VPS35L: variants seen among roughly 807,000 people sequenced by gnomAD.
VPS35L encodes VPS35 endosomal protein-sorting factor-like.
Under a neutral mutation model 133.0 loss-of-function variants are expected in VPS35L, and 83 were observed. The observed-to-expected ratio is 0.62, with a 90% CI of 0.52 to 0.75. VPS35L has a LOEUF of 0.75. Ranked by LOEUF, VPS35L falls within the 30% of genes least tolerant of loss-of-function variation. The probability of loss-of-function intolerance (pLI) is 0.00; values close to 1 mark genes in which losing one functional copy is unlikely to be tolerated. For missense variants in VPS35L, 1,083 were observed against 1,206.8 expected (o/e 0.90, Z 1.52); for synonymous variants, 423 against 449.9 (o/e 0.94, Z 0.76).
At chr16:19,572,234 G>A (rs557032560) in intron 3 of VPS35L, among the ~76,000 whole-genome samples, 33 of 152,252 alleles carry the variant, frequency 2.2e-4, no homozygotes, top group Non-Finnish European at 4.0e-4. Context: ...CCGGACCAAC[G>A]TGGTGAAACA....
intron 7 of VPS35L, among the ~76,000 whole-genome samples, chr16:19,588,378 G>A (rs1296931208): frequency 1.3e-5 from 2 of 151,450 alleles, no homozygotes; most frequent in East Asian, 3.9e-4. Flanking sequence ...GTAGAGATGG[G>A]GTTTCACCGT....
At chr16:19,578,266 T>A (rs1971595610) in intron 5 of VPS35L, 1 of 446,668 alleles carries the variant, frequency 2.2e-6, no homozygotes, top group African/African-American at 2.0e-5. Context: ...CGACCCTAAG[T>A]CCACATTTCT....
At chr16:19,568,411 T>A (rs1971256353) in intron 2 of VPS35L, among the ~76,000 whole-genome samples, 1 of 101,312 alleles carries the variant, frequency 9.9e-6, no homozygotes, top group Admixed American at 9.5e-5. Flanking sequence ...ATTTTTCATG[T>A]TTTTTTTTTT....
At chr16:19,565,518 A>G (rs917906874) in intron 2 of VPS35L, among the ~76,000 whole-genome samples, 1 of 149,814 alleles carries the variant, frequency 6.7e-6, no homozygotes, top group African/African-American at 2.5e-5. Context: ...AATTTTTGCT[A>G]TTTTTTTTAT....
At chr16:19,604,390 A>G (rs1346860729) in intron 9 of VPS35L, among the ~76,000 whole-genome samples, 1 of 152,242 alleles carries the variant, frequency 6.6e-6, no homozygotes, top group Non-Finnish European at 1.5e-5. Flanking sequence ...TCAAAACAAC[A>G]GATCAGTCCT....
intron 28 of VPS35L, among the ~76,000 whole-genome samples, chr16:19,689,339 C>T (rs1975585084): frequency 6.6e-6 from 1 of 151,452 alleles, no homozygotes; most frequent in Non-Finnish European, 1.5e-5. Context: ...GGCTCCATCT[C>T]GGCTCACTGC....
At chr16:19,615,604 C>T (rs761333554) in intron 12 of VPS35L, among the ~76,000 whole-genome samples, 6 of 151,186 alleles carry the variant, frequency 4.0e-5, no homozygotes, top group South Asian at 2.1e-4. Context: ...GAGCCAAGAT[C>T]GTGCCACTGC....
At position 19,633,720 on chromosome 16, in the gene VPS35L, A is replaced by C. The variant is rs746151333; in HGVS notation, c.1635+548A>C. ...TTAACCAGATTTACTAGCTGTTAAC[A>C]TTTGTTTTTTTTTGTTTTTGTTTTT... On this transcript the variant is annotated intron_variant, in intron 19 of 30. Coordinates refer to ENST00000417362, the MANE Select transcript of VPS35L (RefSeq NM_020314.7). This position sits in a 1 kb window ranked among gnomAD's most constrained non-coding sequence, Gnocchi z 4.1. 6.6e-6 allele frequency among the ~76,000 whole-genome samples: 1 copy of C among 150,794 alleles called. No homozygotes were observed. The highest frequency in any genetic ancestry group is 1.5e-5 in the Non-Finnish European group (1 of 67,754).
At chr16:19,651,528 A>G (rs1160113334) in intron 25 of VPS35L, among the ~76,000 whole-genome samples, 1 of 152,158 alleles carries the variant, frequency 6.6e-6, no homozygotes, top group African/African-American at 2.4e-5. Flanking sequence ...TAAGAAAGAA[A>G]TATGTGTCTG....
intron 9 of VPS35L, among the ~76,000 whole-genome samples, chr16:19,603,690 C>T (rs889684815): frequency 2.6e-5 from 4 of 152,144 alleles, no homozygotes; most frequent in African/African-American, 9.7e-5. Context: ...AAGGAAAGGC[C>T]TTCTCCGCTG....
intron 23 of VPS35L, among the ~76,000 whole-genome samples, chr16:19,645,290 CT>C (rs11337040): frequency 0.35 from 45,413 of 128,134 alleles, 7,428 homozygotes; most frequent in African/African-American, 0.44. Context: ...TGTCTTTTTT[CT>C]TTTTTTTTTT....
At position 19,641,947 on chromosome 16, in the gene VPS35L, C is replaced by T. The variant is rs189835373; in HGVS notation, c.1785-449C>T. Among the ~76,000 whole-genome samples the T allele has an allele frequency of 5.9e-5, 9 of 152,304 alleles. No individual in the cohort carries two copies. The East Asian group carries it at 1.4e-3, about 23-fold the overall frequency. On this transcript the variant is annotated intron_variant, in intron 21 of 30. Coordinates refer to ENST00000417362, the MANE Select transcript of VPS35L (RefSeq NM_020314.7). ...ATTCTGGGCCAGGTGCGGTGGCTCA[C>T]GCCCGTAATCCCAATACTTTGGGAG...
chr16:19,576,420 C>T (rs1486010475), intron 5 of VPS35L, among the ~76,000 whole-genome samples: 5 of 152,192 alleles, frequency 3.3e-5, no homozygotes, highest in Non-Finnish European at 7.3e-5. Flanking sequence ...CTAAGACACA[C>T]AGTCAGAAGC....
chr16:19,680,484 A>G (rs1380197771), intron 27 of VPS35L, among the ~76,000 whole-genome samples: 1 of 152,152 alleles, frequency 6.6e-6, no homozygotes, highest in Non-Finnish European at 1.5e-5. Flanking sequence ...AATGCAATAG[A>G]TGAAGTGCCT....
At chr16:19,678,551 C>G (rs1012782754) in intron 27 of VPS35L, among the ~76,000 whole-genome samples, 1 of 151,220 alleles carries the variant, frequency 6.6e-6, no homozygotes, top group Non-Finnish European at 1.5e-5. Flanking sequence ...GATCTCGGCT[C>G]ACTGCAACCT....
chr16:19,593,374 T>C (rs1190198984), intron 8 of VPS35L, among the ~76,000 whole-genome samples: 2 of 152,168 alleles, frequency 1.3e-5, no homozygotes, highest in South Asian at 2.1e-4. Context: ...CAGCAAATCT[T>C]ATCTGTAAAC....
intron 28 of VPS35L, among the ~76,000 whole-genome samples, chr16:19,683,872 T>G (rs921221605): frequency 1.2e-4 from 19 of 152,244 alleles, no homozygotes; most frequent in Non-Finnish European, 7.3e-5. Flanking sequence ...TTGAGAAATC[T>G]CCAAAACTGC....
At chr16:19,649,061 T>C (rs1370454509) in intron 24 of VPS35L, among the ~76,000 whole-genome samples, 1 of 151,512 alleles carries the variant, frequency 6.6e-6, no homozygotes, top group African/African-American at 2.4e-5. Flanking sequence ...CGATTTTGGC[T>C]CACTGCAACC....
chr16:19,632,663 T>C (rs913536689), intron 18 of VPS35L, among the ~76,000 whole-genome samples: 2 of 152,244 alleles, frequency 1.3e-5, no homozygotes, highest in African/African-American at 2.4e-5. Flanking sequence ...TGGGCTGCAG[T>C]TGGCTGACTC....
Sources: gnomAD v4.1 joint callset for allele counts (sites outside exome capture counted in the v4.1 genomes callset) on GRCh38, gnomAD v4.1.1 for gene constraint, Gnocchi (gnomAD v3.1) non-coding constraint, MANE v1.5 for transcripts, NCBI Gene and HGNC (gene_info 2026-07-23, HGNC 2026-07-21) for gene names.